ARHGEF40: variants seen among roughly 807,000 people sequenced by gnomAD.
ARHGEF40 encodes the protein Rho guanine nucleotide exchange factor 40.
ARHGEF40 carries 98 observed loss-of-function variants against 165.9 expected under a neutral mutation model. That is an observed-to-expected ratio of 0.59 (90% CI 0.50 to 0.70). The LOEUF is 0.70. Ranked by LOEUF, ARHGEF40 falls within the 30% of genes least tolerant of loss-of-function variation. The probability of loss-of-function intolerance (pLI) is 0.00; values close to 1 mark genes in which losing one functional copy is unlikely to be tolerated. For missense variants in ARHGEF40, 1,815 were observed against 1,968.0 expected (o/e 0.92, Z 1.47); for synonymous variants, 792 against 814.3 (o/e 0.97, Z 0.47).
chr14:21,080,925 C>T lies in ARHGEF40; in HGVS notation c.2549C>T (p.Ser850Phe). The T allele has an allele frequency of 6.2e-7, 1 of 1,614,226 alleles. No homozygotes were observed. Among genetic ancestry groups the T allele is most frequent in the Non-Finnish European group, 8.5e-7 (1 of 1,180,036 alleles). The change falls in exon 13 of 24, where the codon TCC (serine) becomes TTC (phenylalanine). Residue 850 changes from serine (S) to phenylalanine (F), a missense_variant. Ser to Phe is a radical substitution (Grantham distance 155). Coordinates refer to ENST00000298694, the MANE Select transcript of ARHGEF40 (RefSeq NM_018071.5). ...EALALEENAT[S>F]QKVLDIFEQR... ...CTGGCTCTGGAGGAGAATGCCACCT[C>T]CCAGAAGGTGCTGGATATCTTTGAA... is the stretch of plus-strand genomic sequence containing the variant.
chr14:21,077,023 C>A, intron 8 of ARHGEF40, 133 bp downstream of exon 8: 2 of 661,506 alleles, frequency 3.0e-6, no homozygotes, highest in South Asian at 3.7e-5. Context: ...TTCAATTCAA[C>A]AAGTATTTAT....
rs569792957 is a variant in ARHGEF40, at chr14:21,088,826, C to A, written c.4519-4C>A. 3 of 1,611,792 alleles carry A rather than the reference C, an allele frequency of 1.9e-6. No homozygotes were observed. Among genetic ancestry groups the A allele is most frequent in the Non-Finnish European group, 2.5e-6 (3 of 1,178,466 alleles). On this transcript the variant is annotated splice_region_variant and splice_polypyrimidine_tract_variant and intron_variant, in intron 22 of 23. Transcript: ENST00000298694. ...TAAATTCACTGTAGCTTCTCTCCCC[C>A]CAGAGTCATGCTCGAGCCCTGAGTG...
At position 21,087,319 on chromosome 14, in the gene ARHGEF40, G is replaced by A; in HGVS notation, c.4244-1G>A. ...CACCCCCCACTCCCCACTCTCTGCA[G>A]CCGCCCGCACCCGGGCCTCCGTGGC... On this transcript the variant is annotated splice_acceptor_variant, in intron 20 of 23. Coordinates refer to ENST00000298694, the MANE Select transcript of ARHGEF40 (RefSeq NM_018071.5). LOFTEE classifies it high-confidence loss of function. 6.2e-7 allele frequency: 1 copy of A among 1,605,310 alleles called. No individual in the cohort carries two copies.
At position 21,073,716 on chromosome 14, in the gene ARHGEF40, G is replaced by A. The variant is rs936261020; in HGVS notation, c.202-216G>A. 6.6e-6 allele frequency among the ~76,000 whole-genome samples: 1 copy of A among 152,154 alleles called. No individual in the cohort carries two copies. Among genetic ancestry groups the A allele is most frequent in the Admixed American group, 6.5e-5 (1 of 15,276 alleles). On this transcript the variant is annotated intron_variant, in intron 2 of 23. Transcript: ENST00000298694. The surrounding 1 kb of genome is among the most constrained non-coding windows in gnomAD (Gnocchi z 4.6). ...TCTTACCCTCCCACACATGGAACTA[G>A]CTTCCTGAAGAATCTTCCTACTACT...
At chr14:21,086,641 A>C in intron 19 of ARHGEF40, 1 of 197,826 alleles carries the variant, frequency 5.1e-6, no homozygotes, top group Admixed American at 5.3e-5. Flanking sequence ...GGTCAAATAT[A>C]TGGAAGCATC....
rs371406433 is a variant in ARHGEF40, at chr14:21,084,059, C to G, written c.3789+9C>G. 679 of 1,595,512 alleles carry G rather than the reference C, an allele frequency of 4.3e-4. No homozygotes were observed. Among genetic ancestry groups the G allele is most frequent in the Middle Eastern group, 1.1e-3 (5 of 4,460 alleles). On this transcript the variant is annotated intron_variant, in intron 17 of 23. Transcript: ENST00000298694. ...CGGTGCGTGGCTGTGAGGTGAGGCC[C>G]TAGCTCCAGTCACTGCTGCTCAAAC...
chr14:21,086,918 A>G (rs954047843), intron 19 of ARHGEF40, 83 bp from the exon 20 acceptor site: 65 of 1,198,838 alleles, frequency 5.4e-5, no homozygotes, highest in South Asian at 1.5e-4. Flanking sequence ...AAAAAAAAAA[A>G]AAAAGAAAAA....
rs1261394967 is a variant in ARHGEF40 at position 21,085,780 on chromosome 14, C to T, written c.4052C>T (p.Thr1351Ile). 1 of 1,614,208 alleles carries T rather than the reference C, an allele frequency of 6.2e-7. No homozygotes were observed. Among genetic ancestry groups the T allele is most frequent in the African/African-American group, 1.3e-5 (1 of 75,062 alleles). Residue 1351 changes from threonine to isoleucine, a missense_variant, in exon 19 of 24, where the codon ACT becomes ATT. Physicochemically the swap from Thr to Ile is moderately conservative, Grantham distance 89 (BLOSUM62 -1). Transcript: ENST00000298694. ...FRRRRAREAYTLQATSPEIKL... is the reference protein window; with the variant it reads ...FRRRRAREAYILQATSPEIKL... Reference sequence around the variant, plus strand: ...CGGCGGCGTGCACGAGAGGCATACACTCTGCAGGCAACCTCACCAGAGATC... The same window carrying T: ...CGGCGGCGTGCACGAGAGGCATACATTCTGCAGGCAACCTCACCAGAGATC...
chr14:21,081,417 G>C, intron 13 of ARHGEF40, 92 bp from the exon 14 acceptor site: 1 of 1,525,258 alleles, frequency 6.6e-7, no homozygotes, highest in Non-Finnish European at 8.9e-7. Flanking sequence ...GAGGCCACAG[G>C]CAAGAGGACA....
In ARHGEF40 at chr14:21,086,884, A is replaced by C. The variant is rs1328970864; in HGVS notation, c.4139-117A>C. The C allele has an allele frequency of 3.9e-6, 3 of 759,682 alleles. No individual in the cohort carries two copies. The East Asian group carries it at 8.1e-5, about 21-fold the overall frequency. 47.1% of individuals were successfully genotyped at this position (759,682 alleles called of 1,614,324 possible). ...AAGAGACATCAGAGGAATGAAAGGG[A>C]GGAATGAGGATTGGGAAGGAACGAA... On this transcript the variant is annotated intron_variant, in intron 19 of 23. Coordinates refer to ENST00000298694, the MANE Select transcript of ARHGEF40 (RefSeq NM_018071.5).
Position 21,081,684 on chromosome 14 carries a change from G to GCCGCTGCCAGGC in ARHGEF40, c.2826_2837dup (p.Ala943_Gln946dup), listed in dbSNP as rs1566533089. On this transcript the variant is annotated inframe_insertion, in exon 14 of 24. Coordinates refer to ENST00000298694, the MANE Select transcript of ARHGEF40 (RefSeq NM_018071.5). Reference sequence around the variant, plus strand: ...AGCCCAGCAGCCCTGCGAGAATGGGGCCGCTGCCAGGCCCGCTGCCAAGAG... The same window carrying GCCGCTGCCAGGC: ...AGCCCAGCAGCCCTGCGAGAATGGGGCCGCTGCCAGGCCCGCTGCCAGGCCCGCTGCCAAGAG... The GCCGCTGCCAGGC allele has an allele frequency of 5.0e-6, 8 of 1,588,932 alleles. No homozygotes were observed. Among genetic ancestry groups the GCCGCTGCCAGGC allele is most frequent in the Admixed American group, 1.8e-5 (1 of 55,516 alleles).
Position 21,089,811 on chromosome 14 carries a change from G to A in ARHGEF40, c.*803G>A, listed in dbSNP as rs1240105562. The A allele has an allele frequency of 1.3e-5, 2 of 156,636 alleles. No individual in the cohort carries two copies. The highest frequency in any genetic ancestry group is 1.9e-4 in the East Asian group (1 of 5,274). 9.7% of individuals were successfully genotyped at this position (156,636 alleles called of 1,614,324 possible). On this transcript the variant is annotated 3_prime_UTR_variant, in exon 24 of 24. Transcript: ENST00000298694. Reference sequence around the variant, plus strand: ...ACTCCTTGAGGCTGAACTGGTCACAGACAAACTGGGATCCAGCACAGTCCA... The same window carrying A: ...ACTCCTTGAGGCTGAACTGGTCACAAACAAACTGGGATCCAGCACAGTCCA...
Position 21,070,785 on chromosome 14 carries a change from C to T in ARHGEF40, c.3+386C>T. On this transcript the variant is annotated intron_variant, in intron 1 of 23. Transcript: ENST00000298694. This position sits in a 1 kb window ranked among gnomAD's most constrained non-coding sequence, Gnocchi z 4.7. The stretch of plus-strand genomic sequence containing the variant: ...AGACCCCTGCGGGTTGGTCCTGCAG[C>T]GACCCTGGAAGAGGCCCGGCCCCTC... 4 of 1,533,460 alleles carry T rather than the reference C, an allele frequency of 2.6e-6. No homozygotes were observed. The highest frequency in any genetic ancestry group is 3.5e-6 in the Non-Finnish European group (4 of 1,145,278). 95.0% of individuals were successfully genotyped at this position (1,533,460 alleles called of 1,614,324 possible).
chr14:21,078,335 T>C (rs372720010), intron 9 of ARHGEF40, 38 bp from the exon 10 acceptor site: 329 of 1,597,332 alleles, frequency 2.1e-4, no homozygotes, highest in Non-Finnish European at 2.7e-4. Context: ...GGAGACTCTC[T>C]GGTGGAACCC....
chr14:21,068,060 C>CG (rs1886373073), upstream of ARHGEF40, among the ~76,000 whole-genome samples: 2 of 10,598 alleles, frequency 1.9e-4, 1 homozygote, highest in South Asian at 5.5e-3. Context: ...AGTGCAGTGG[C>CG]GCGATCTCGG....
intron 12 of ARHGEF40, 31 bp downstream of exon 12, chr14:21,080,813 A>T: frequency 6.2e-7 from 1 of 1,602,086 alleles, no homozygotes; most frequent in Non-Finnish European, 8.5e-7. Context: ...AGGTGAGAGG[A>T]GGCAGGGGGA....
intron 16 of ARHGEF40, among the ~76,000 whole-genome samples, chr14:21,083,449 C>G (rs951002149): frequency 6.6e-6 from 1 of 151,752 alleles, no homozygotes; most frequent in Non-Finnish European, 1.5e-5. Flanking sequence ...ACTCGGGAGG[C>G]TGAGGCAGAA....
the ARHGEF40 span, among the ~76,000 whole-genome samples, chr14:21,063,616 C>G: frequency 5.3e-5 from 8 of 152,304 alleles, no homozygotes; most frequent in African/African-American, 1.9e-4. Context: ...ATGGGAATGA[C>G]TTCACGCTGT....
chr14:21,087,539 A>G (rs2139272660), intron 21 of ARHGEF40, 76 bp downstream of exon 21: 1 of 1,558,862 alleles, frequency 6.4e-7, no homozygotes, highest in East Asian at 2.3e-5. Context: ...CTGCTGAGCA[A>G]TTCCTTTTTC....
Sources: allele counts gnomAD v4.1 joint callset (sites outside exome capture counted in the v4.1 genomes callset), GRCh38; gene constraint gnomAD v4.1.1; non-coding constraint Gnocchi (gnomAD v3.1); transcripts MANE v1.5; gene names NCBI Gene and HGNC (gene_info 2026-07-23, HGNC 2026-07-21).